The following PRKCE variants were observed in gnomAD, a reference collection of about 807,000 sequenced individuals.
PRKCE encodes the protein protein kinase C epsilon, also known as protein kinase C epsilon type.
Under a neutral mutation model 85.4 loss-of-function variants are expected in PRKCE, and 16 were observed. That is an observed-to-expected ratio of 0.19 (90% CI 0.13 to 0.28). The LOEUF (loss-of-function observed/expected upper bound fraction) is 0.28. Among genes scored for constraint, PRKCE ranks in the 10% least tolerant of loss-of-function variants. The probability of loss-of-function intolerance (pLI) is 1.00; values close to 1 mark genes in which losing one functional copy is unlikely to be tolerated. For missense variants in PRKCE, 573 were observed against 975.2 expected, an observed-to-expected ratio of 0.59 and a Z score of 5.49; for synonymous variants, 388 against 371.5, an observed-to-expected ratio of 1.04 and a Z score of -0.51.
chr2:45,909,880 C>G lies in PRKCE; in HGVS notation c.413-66549C>G, dbSNP rs75296647. On this transcript the variant is annotated intron_variant, in intron 2 of 14. Transcript: ENST00000306156. ...ACGTGGCCAACAACTTAATTTTCCC[C>G]AAACCTTATTTAGGCTCTAGTTCCA... 2.7e-3 allele frequency among the ~76,000 whole-genome samples: 407 copies of G among 152,300 alleles called. 5 individuals are homozygous for G. Among genetic ancestry groups the G allele is most frequent in the African/African-American group, 9.4e-3 (390 of 41,566 alleles).
At chr2:45,982,638 G>A (rs1574108994) in intron 5 of PRKCE, among the ~76,000 whole-genome samples, 1 of 151,850 alleles carries the variant, frequency 6.6e-6, no homozygotes, top group East Asian at 1.9e-4. Context: ...TTGTATCTGT[G>A]TCCTCCTCAG....
intron 2 of PRKCE, among the ~76,000 whole-genome samples, chr2:45,936,382 G>A (rs1251302858): frequency 6.6e-6 from 1 of 152,364 alleles, no homozygotes; most frequent in South Asian, 2.1e-4. Context: ...AAACCTTTGG[G>A]CCAGCACCCA....
intron 2 of PRKCE, among the ~76,000 whole-genome samples, chr2:45,886,429 T>C (rs892916884): frequency 2.0e-4 from 30 of 152,322 alleles, no homozygotes; most frequent in Admixed American, 1.9e-3. Context: ...TAGAGGGGAC[T>C]TGGCATTTTA....
intron 1 of PRKCE, among the ~76,000 whole-genome samples, chr2:45,834,624 A>G (rs1450954119): frequency 6.6e-6 from 1 of 151,920 alleles, no homozygotes; most frequent in African/African-American, 2.4e-5. Flanking sequence ...GTACACCCAC[A>G]TGCTCCCCCA....
At position 46,150,447 on chromosome 2, in the gene PRKCE, GT is replaced by G. The variant is rs771462372; in HGVS notation, c.1732-588del. ...GAATCATGATGAACAATAGAGATGGGTTTTTTCTTAGAATATGCAAGAGTAT... is the reference window on the plus strand; with the variant it reads ...GAATCATGATGAACAATAGAGATGGGTTTTTCTTAGAATATGCAAGAGTAT... On this transcript the variant is annotated intron_variant, in intron 12 of 14. Coordinates refer to ENST00000306156, the MANE Select transcript of PRKCE (RefSeq NM_005400.3). Among the ~76,000 whole-genome samples, 5 of 152,180 alleles carry G rather than the reference GT, an allele frequency of 3.3e-5. No homozygotes were observed. The East Asian group carries it at 5.8e-4, about 18-fold the overall frequency.
intron 10 of PRKCE, among the ~76,000 whole-genome samples, chr2:46,011,656 AAC>A (rs1346873133): frequency 6.6e-6 from 1 of 152,192 alleles, no homozygotes; most frequent in Non-Finnish European, 1.5e-5. Flanking sequence ...TCTTAGTCTC[AAC>A]ACACGTATGT....
chr2:46,086,730 T>C (rs945638995), intron 11 of PRKCE, among the ~76,000 whole-genome samples: 2 of 152,174 alleles, frequency 1.3e-5, no homozygotes, highest in African/African-American at 4.8e-5. Flanking sequence ...ATGAACTTCC[T>C]CCCCTTCCTA....
In PRKCE at chr2:46,159,260, C is replaced by T. The variant is rs550833167; in HGVS notation, c.1921-346C>T. ...CACAGAGTCAGTAAGAGCCAGAGTG[C>T]ATAATCCCAGCTTGGTCCCTTACTA... On this transcript the variant is annotated intron_variant, in intron 13 of 14. Transcript: ENST00000306156. The surrounding 1 kb of genome is among the most constrained non-coding windows in gnomAD (Gnocchi z 4.1). Among the ~76,000 whole-genome samples, 3 of 152,206 alleles carry T rather than the reference C, an allele frequency of 2.0e-5. No homozygotes were observed. Among genetic ancestry groups the T allele is most frequent in the East Asian group, 3.8e-4 (2 of 5,200 alleles).
intron 1 of PRKCE, among the ~76,000 whole-genome samples, chr2:45,720,439 A>G (rs1400286321): frequency 6.6e-6 from 1 of 152,256 alleles, no homozygotes; most frequent in African/African-American, 2.4e-5. Context: ...TGAGAGGAAC[A>G]ACATGCAGCC....
chr2:45,902,284 A>G (rs529550494), intron 2 of PRKCE, among the ~76,000 whole-genome samples: 1 of 152,328 alleles, frequency 6.6e-6, no homozygotes, highest in African/African-American at 2.4e-5. Flanking sequence ...TGAAACCTGC[A>G]GTAATTGGAA....
chr2:45,931,616 T>A (rs770692703), intron 2 of PRKCE, among the ~76,000 whole-genome samples: 5 of 152,228 alleles, frequency 3.3e-5, no homozygotes, highest in African/African-American at 7.2e-5. Context: ...GAATACTTTG[T>A]ATGCAATGCT....
At chr2:46,003,995 C>T (rs147407894) in intron 7 of PRKCE, 201 of 157,240 alleles carry the variant, frequency 1.3e-3, no homozygotes, top group African/African-American at 4.6e-3. Context: ...TTCTCTTTTC[C>T]TACTTGGTGA....
chr2:46,177,200 G>A (rs1679509776), intron 14 of PRKCE, among the ~76,000 whole-genome samples: 1 of 152,176 alleles, frequency 6.6e-6, no homozygotes, highest in Non-Finnish European at 1.5e-5. Flanking sequence ...AGGATCACTT[G>A]AGCCCAGGAA....
chr2:45,877,427 A>G (rs1573713691), intron 2 of PRKCE, among the ~76,000 whole-genome samples: 1 of 151,988 alleles, frequency 6.6e-6, no homozygotes, highest in Non-Finnish European at 1.5e-5. Context: ...TCTTTCTTCT[A>G]CGTTTTCTAT....
chr2:46,092,722 C>G (rs559251052), intron 11 of PRKCE, among the ~76,000 whole-genome samples: 1 of 152,162 alleles, frequency 6.6e-6, no homozygotes, highest in South Asian at 2.1e-4. Flanking sequence ...TAGCTGTGCC[C>G]TCCAAACCAG....
chr2:46,105,541 G>C (rs55883814), intron 11 of PRKCE, among the ~76,000 whole-genome samples: 1 of 150,698 alleles, frequency 6.6e-6, no homozygotes, highest in Non-Finnish European at 1.5e-5. Context: ...TCTGTGGCAC[G>C]TATCAAGAAA....
At chr2:45,863,229 T>C (rs542235800) in intron 2 of PRKCE, among the ~76,000 whole-genome samples, 5 of 152,234 alleles carry the variant, frequency 3.3e-5, no homozygotes, top group African/African-American at 1.2e-4. Flanking sequence ...GGTAGGAAGA[T>C]CTTGACTCTT....
chr2:46,060,191 T>C (rs1485478327), intron 10 of PRKCE, among the ~76,000 whole-genome samples: 5 of 152,244 alleles, frequency 3.3e-5, no homozygotes, highest in Non-Finnish European at 7.3e-5. Context: ...TTTTGCCATA[T>C]CTTTTCTCTA....
chr2:45,818,380 A>G (rs1302476191), intron 1 of PRKCE, among the ~76,000 whole-genome samples: 1 of 152,202 alleles, frequency 6.6e-6, no homozygotes, highest in African/African-American at 2.4e-5. Context: ...CCTCTGAGCC[A>G]TAAGGATAAC....
Sources: gnomAD v4.1 joint callset for allele counts (sites outside exome capture counted in the v4.1 genomes callset) on GRCh38, gnomAD v4.1.1 for gene constraint, Gnocchi (gnomAD v3.1) non-coding constraint, MANE v1.5 for transcripts, NCBI Gene and HGNC (gene_info 2026-07-23, HGNC 2026-07-21) for gene names.